COG5: variants seen among roughly 807,000 people sequenced by gnomAD.
COG5 encodes component of oligomeric golgi complex 5, also known as conserved oligomeric Golgi complex subunit 5.
A neutral mutation model predicts 110.4 loss-of-function variants in COG5; 86 were observed. The ratio of observed to expected loss-of-function variants is 0.78; its 90% CI spans 0.65 to 0.93. The LOEUF (loss-of-function observed/expected upper bound fraction) is 0.93, where lower values mean the gene tolerates loss of function less well. Ranked by LOEUF, COG5 falls within the 40% of genes least tolerant of loss-of-function variation. COG5 has a pLI of 0.00. For missense variants in COG5, 1,077 were observed against 987.0 expected (o/e 1.09, Z -1.22); for synonymous variants, 360 against 334.6 (o/e 1.08, Z -0.83).
At position 107,230,597 on chromosome 7, in the gene COG5, C is replaced by T; in HGVS notation, c.2168+18G>A. 6.3e-7 allele frequency: 1 copy of T among 1,581,620 alleles called. No homozygotes were observed. On this transcript the variant is annotated intron_variant, in intron 19 of 21. Coordinates refer to ENST00000297135, the MANE Select transcript of COG5 (RefSeq NM_006348.5). Reference sequence around the variant, plus strand: ...TGCCTGGAGGATATGAATGTATGAACAAAGAATTCGGTCTTACCTGAATGA... The same window carrying T: ...TGCCTGGAGGATATGAATGTATGAATAAAGAATTCGGTCTTACCTGAATGA...
intron 5 of COG5, among the ~76,000 whole-genome samples, chr7:107,535,739 G>A (rs1801541075): frequency 6.6e-6 from 1 of 152,140 alleles, no homozygotes; most frequent in African/African-American, 2.4e-5. Context: ...TTGCAAAGAG[G>A]AGCTGGTACC....
At chr7:107,538,541 C>T (rs936112048) in intron 5 of COG5, among the ~76,000 whole-genome samples, 3 of 151,912 alleles carry the variant, frequency 2.0e-5, no homozygotes, top group African/African-American at 7.3e-5. Flanking sequence ...TGTAAGACAA[C>T]AAAACTCAGC....
intron 1 of COG5, among the ~76,000 whole-genome samples, chr7:107,558,896 A>G (rs567124383): frequency 2.3e-4 from 33 of 143,204 alleles, no homozygotes; most frequent in Non-Finnish European, 3.9e-4. Context: ...CCAAAAAAAA[A>G]AAAAAAAGAC....
chr7:107,236,228 C>G (rs1801178217), intron 18 of COG5, among the ~76,000 whole-genome samples: 1 of 151,738 alleles, frequency 6.6e-6, no homozygotes, highest in African/African-American at 2.4e-5. Context: ...CTTGAAATAC[C>G]AAAGAGAGGG....
At chr7:107,295,066 CATATAT>C (rs1186377118) in intron 12 of COG5, among the ~76,000 whole-genome samples, 705 of 45,748 alleles carry the variant, frequency 0.015, 18 homozygotes, top group African/African-American at 0.057. Flanking sequence ...CACACACACA[CATATAT>C]ATATATATAT....
chr7:107,406,314 A>G (rs116295370), intron 7 of COG5, among the ~76,000 whole-genome samples: 2,385 of 152,314 alleles, frequency 0.016, 59 homozygotes, highest in African/African-American at 0.055. Flanking sequence ...GCAGACACAC[A>G]TTACTTTTAT....
chr7:107,363,182 T>A (rs1486439575), intron 8 of COG5, among the ~76,000 whole-genome samples: 4 of 152,136 alleles, frequency 2.6e-5, no homozygotes, highest in Admixed American at 6.6e-5. Context: ...GAGACAATGG[T>A]TCCTCAATAG....
intron 11 of COG5, among the ~76,000 whole-genome samples, chr7:107,300,152 T>G (rs1201637732): frequency 6.6e-6 from 1 of 151,928 alleles, no homozygotes; most frequent in Non-Finnish European, 1.5e-5. Context: ...CTAAGAACTC[T>G]CAGTCAACTA....
intron 11 of COG5, among the ~76,000 whole-genome samples, chr7:107,300,568 C>T (rs754286158): frequency 3.9e-5 from 6 of 152,004 alleles, no homozygotes; most frequent in Non-Finnish European, 8.8e-5. Flanking sequence ...TAAAAGAATA[C>T]AATTTAGAAT....
At chr7:107,472,824 T>C (rs974671628) in intron 6 of COG5, 13 of 151,958 alleles carry the variant, frequency 8.6e-5, no homozygotes, top group Non-Finnish European at 1.8e-4. Context: ...TTATAATTTA[T>C]GTTGAATATG....
intron 7 of COG5, among the ~76,000 whole-genome samples, chr7:107,389,168 C>A (rs1252494835): frequency 6.6e-6 from 1 of 152,294 alleles, no homozygotes; most frequent in Non-Finnish European, 1.5e-5. Flanking sequence ...CGCTTCCCAG[C>A]CTATAATAAC....
intron 16 of COG5, among the ~76,000 whole-genome samples, chr7:107,251,821 A>T (rs1047988249): frequency 6.6e-6 from 1 of 152,152 alleles, no homozygotes; most frequent in Non-Finnish European, 1.5e-5. Context: ...CACAAATCCA[A>T]AGATAAACAG....
In COG5 at chr7:107,203,335, A is replaced by G. The variant is rs1798494966; in HGVS notation, c.*181T>C. 1 of 613,838 alleles carries G rather than the reference A, an allele frequency of 1.6e-6. No individual in the cohort carries two copies. Among genetic ancestry groups the G allele is most frequent in the African/African-American group, 1.8e-5 (1 of 54,220 alleles). 38.0% of individuals were successfully genotyped at this position (613,838 alleles called of 1,614,324 possible). A position where few individuals can be genotyped will look rare whatever the true frequency, so the allele number is the denominator to read the frequency against. ...TCCATGGAATTGAAAGGTGGTGATA[A>G]CTCAACATTTTTTATGCTAAAGTAT... On this transcript the variant is annotated 3_prime_UTR_variant, in exon 22 of 22. Transcript: ENST00000297135.
At chr7:107,391,962 C>T (rs1253098855) in intron 7 of COG5, among the ~76,000 whole-genome samples, 1 of 152,012 alleles carries the variant, frequency 6.6e-6, no homozygotes, top group Admixed American at 6.6e-5. Flanking sequence ...ATGGTGGCGG[C>T]CACCTGTAGT....
intron 6 of COG5, among the ~76,000 whole-genome samples, chr7:107,479,975 A>T (rs1367454914): frequency 6.6e-6 from 1 of 152,294 alleles, no homozygotes; most frequent in East Asian, 1.9e-4. Flanking sequence ...ATAACTTATT[A>T]TGGGCATCCA....
At chr7:107,475,246 C>T in intron 6 of COG5, 1 of 1,604,744 alleles carries the variant, frequency 6.2e-7, no homozygotes. Flanking sequence ...TGATCCCCTG[C>T]CTAATAATGC....
At chr7:107,384,343 T>A (rs1302245716) in intron 7 of COG5, among the ~76,000 whole-genome samples, 3 of 151,548 alleles carry the variant, frequency 2.0e-5, no homozygotes, top group African/African-American at 7.3e-5. Flanking sequence ...TGGGAGGGGG[T>A]CCCTGGAGAA....
At chr7:107,400,405 C>A (rs1197215588) in intron 7 of COG5, among the ~76,000 whole-genome samples, 10 of 152,012 alleles carry the variant, frequency 6.6e-5, no homozygotes, top group Non-Finnish European at 1.5e-4. Context: ...AAATAAAATT[C>A]TAGTATTTAC....
chr7:107,432,740 A>G (rs1015526311), intron 6 of COG5, among the ~76,000 whole-genome samples: 2 of 152,162 alleles, frequency 1.3e-5, no homozygotes, highest in African/African-American at 4.8e-5. Context: ...GTACTATAAA[A>G]AGTCCAGGGA....
Sources: gnomAD v4.1 joint callset for allele counts (sites outside exome capture counted in the v4.1 genomes callset) on GRCh38, gnomAD v4.1.1 for gene constraint, MANE v1.5 for transcripts, NCBI Gene and HGNC (gene_info 2026-07-23, HGNC 2026-07-21) for gene names.